DRAP1: variants seen among roughly 807,000 people sequenced by gnomAD.
DRAP1 encodes dr1-associated corepressor.
In DRAP1, 10 loss-of-function variants were observed where a neutral mutation model predicts 24.1. That is an observed-to-expected ratio of 0.41 (90% confidence interval 0.26 to 0.70). The LOEUF is 0.70. Ranked by LOEUF, DRAP1 falls within the 30% of genes least tolerant of loss-of-function variation. The probability of loss-of-function intolerance (pLI) is 0.29; values close to 1 mark genes in which losing one functional copy is unlikely to be tolerated. For synonymous variants in DRAP1, 122 were observed against 113.8 expected, an observed-to-expected ratio of 1.07 and a Z score of -0.46; for missense variants, 264 against 275.6, an observed-to-expected ratio of 0.96 and a Z score of 0.30.
At chr11:65,919,876 G>C (rs1221243041) in intron 2 of DRAP1, 24 bp downstream of exon 2, 1 of 1,613,200 alleles carries the variant, frequency 6.2e-7, no homozygotes, top group African/African-American at 1.3e-5. Context: ...GGCGGACCGG[G>C]TCGAGGGGCG....
At position 65,921,548 on chromosome 11, in the gene DRAP1, C is replaced by T. The variant is rs577888744; in HGVS notation, c.*113C>T. 42 of 544,128 alleles carry T rather than the reference C, an allele frequency of 7.7e-5. No individual in the cohort carries two copies. In the African/African-American group the frequency reaches 8.0e-4, roughly 10 times the overall value. The allele number at this position is 544,128 out of a possible 1,614,324, so 33.7% of individuals were successfully genotyped here. A position where few individuals can be genotyped will look rare whatever the true frequency, so the allele number is the denominator to read the frequency against. On this transcript the variant is annotated 3_prime_UTR_variant, in exon 7 of 7. Coordinates refer to ENST00000312515, the MANE Select transcript of DRAP1 (RefSeq NM_006442.4). The stretch of plus-strand genomic sequence containing the variant: ...ATTAAAAAAAAAAATAAAAGGGAAT[C>T]TCAGTGTCTGTTCCAGGCTCTGCGC...
Position 65,920,060 on chromosome 11 carries a change from G to C in DRAP1, c.209+19G>C, listed in dbSNP as rs1854528761. The C allele has an allele frequency of 3.7e-6, 6 of 1,610,692 alleles. No homozygotes were observed. The highest frequency in any genetic ancestry group is 4.2e-6 in the Non-Finnish European group (5 of 1,178,698). On this transcript the variant is annotated intron_variant, in intron 3 of 6. Coordinates refer to ENST00000312515, the MANE Select transcript of DRAP1 (RefSeq NM_006442.4). Reference sequence around the variant, plus strand: ...CCCACCTGTGAGCGGCGAGGAGCCGGGAGGGGCCGGCGGGTTTGGCGCGGG... The same window carrying C: ...CCCACCTGTGAGCGGCGAGGAGCCGCGAGGGGCCGGCGGGTTTGGCGCGGG...
chr11:65,921,295 T>C, intron 6 of DRAP1, 35 bp from the exon 7 acceptor site: 6 of 1,295,018 alleles, frequency 4.6e-6, no homozygotes, highest in Non-Finnish European at 6.7e-6. Flanking sequence ...ACGGTGGGGC[T>C]CAGGCCTGAC....
At position 65,919,460 on chromosome 11, in the gene DRAP1, GGGC is replaced by G. The variant is rs1426748786; in HGVS notation, c.-34_-32del. ...GCAGGCCCGGGAGCCGGGAGGCTGC[GGGC>G]GGCGGCGCTGGACCCGACGCGGCGA... On this transcript the variant is annotated 5_prime_UTR_variant, in exon 1 of 7. Transcript: ENST00000312515. 8 of 1,516,162 alleles carry G rather than the reference GGGC, an allele frequency of 5.3e-6. No homozygotes were observed. The highest frequency in any genetic ancestry group is 7.1e-6 in the Non-Finnish European group (8 of 1,133,370). 93.9% of individuals were successfully genotyped at this position (1,516,162 alleles called of 1,614,324 possible).
chr11:65,919,981 T>A lies in DRAP1; in HGVS notation c.149T>A (p.Leu50Ter). The A allele has an allele frequency of 6.2e-7, 1 of 1,613,770 alleles. No individual in the cohort carries two copies. The highest frequency in any genetic ancestry group is 1.1e-5 in the South Asian group (1 of 91,090). Reference protein sequence around the residue: ...RALELFLESLLKKACQVTQSR... With the variant: ...RALELFLESL ...CTCGAGCTCTTCCTAGAGTCGCTGT[T>A]GAAGAAGGCCTGCCAGGTGACCCAG... Residue 50 changes from leucine to a stop codon, truncating the protein, a stop_gained, in exon 3 of 7, where the codon TTG becomes TAG. Transcript: ENST00000312515. LOFTEE classifies it high-confidence loss of function.
intron 3 of DRAP1, 118 bp from the exon 4 acceptor site, chr11:65,920,225 C>A: frequency 6.6e-7 from 1 of 1,524,006 alleles, no homozygotes; most frequent in Non-Finnish European, 8.9e-7. Flanking sequence ...CAGGGCAGGC[C>A]CGGGAGCGGA....
rs1261461820 is a variant in DRAP1 at position 65,921,417 on chromosome 11, AG to A, written c.601del (p.Glu201LysfsTer17). ...CCTCAGCACCTGATGAAGAGGACGAAGAAGATTACGACTCCTAGCGCCTTCT... is the reference window on the plus strand; with the variant it reads ...CCTCAGCACCTGATGAAGAGGACGAAAAGATTACGACTCCTAGCGCCTTCT... The part of the protein sequence containing the change: ...GPSAPDEEDE[E>X]DYDS On this transcript the variant is annotated frameshift_variant, in exon 7 of 7. Coordinates refer to ENST00000312515, the MANE Select transcript of DRAP1 (RefSeq NM_006442.4). LOFTEE classifies it high-confidence loss of function. 2 of 1,608,142 alleles carry A rather than the reference AG, an allele frequency of 1.2e-6. No homozygotes were observed. The highest frequency in any genetic ancestry group is 1.7e-6 in the Non-Finnish European group (2 of 1,174,724).
rs1854527959 is a variant in DRAP1 at position 65,920,001 on chromosome 11, A to AC, written c.172dup (p.Gln58ProfsTer24). The AC allele has an allele frequency of 6.2e-7, 1 of 1,613,574 alleles. No individual in the cohort carries two copies. The highest frequency in any genetic ancestry group is 1.3e-5 in the African/African-American group (1 of 74,918). ...GCTGTTGAAGAAGGCCTGCCAGGTG[A>AC]CCCAGTCGCGGAACGCGAAGACCAT... On this transcript the variant is annotated frameshift_variant, in exon 3 of 7. Transcript: ENST00000312515. LOFTEE classifies it high-confidence loss of function.
At position 65,920,632 on chromosome 11, in the gene DRAP1, G is replaced by T; in HGVS notation, c.393G>T (p.Lys131Asn). ...NGGMGTKSKD[K>N]KLSGTDSEQE... ...GGATGGGAACGAAAAGCAAGGACAA[G>T]AAGCTGTCCGGGACAGACTCGGAGC... The change falls in exon 5 of 7, where the codon AAG becomes AAT. Residue 131 changes from lysine to asparagine, a missense_variant. By Grantham distance (94) the Lys-to-Asn change is moderately conservative. Around this residue, in one of 2 missense-constraint regions of DRAP1, gnomAD observed 243 missense variants for 233.6 expected, o/e 1.04. Coordinates refer to ENST00000312515, the MANE Select transcript of DRAP1 (RefSeq NM_006442.4). The T allele has an allele frequency of 6.5e-7, 1 of 1,526,746 alleles. No homozygotes were observed. The highest frequency in any genetic ancestry group is 1.3e-5 in the South Asian group (1 of 79,548). 94.6% of individuals were successfully genotyped at this position (1,526,746 alleles called of 1,614,324 possible).
Position 65,921,486 on chromosome 11 carries a change from T to C in DRAP1, c.*51T>C, listed in dbSNP as rs1344392799. ...CCCTTTTAGTTGGTTTTAGTTGCTC[T>C]GGGGGGAGGAGAGAAGGTAGAGCTG... On this transcript the variant is annotated 3_prime_UTR_variant, in exon 7 of 7. Transcript: ENST00000312515. 2.3e-6 allele frequency: 2 copies of C among 863,418 alleles called. No individual in the cohort carries two copies. The highest frequency in any genetic ancestry group is 3.8e-6 in the Non-Finnish European group (2 of 531,338). 53.5% of individuals were successfully genotyped at this position (863,418 alleles called of 1,614,324 possible).
Position 65,919,769 on chromosome 11 carries a change from C to G in DRAP1, c.43-11C>G, listed in dbSNP as rs373935228. On this transcript the variant is annotated splice_polypyrimidine_tract_variant and intron_variant, in intron 1 of 6. Coordinates refer to ENST00000312515, the MANE Select transcript of DRAP1 (RefSeq NM_006442.4). ...GGCGACGGGGTCTGAACTCTGCTCC[C>G]CCACCCGCAGGCGCGGATCAAGAAG... is the stretch of plus-strand genomic sequence containing the variant. 9 of 1,613,000 alleles carry G rather than the reference C, an allele frequency of 5.6e-6. No homozygotes were observed. In the African/African-American group the frequency reaches 1.2e-4, roughly 21 times the overall value.
chr11:65,921,245 TG>T, intron 6 of DRAP1, 84 bp from the exon 7 acceptor site: 2 of 827,484 alleles, frequency 2.4e-6, no homozygotes, highest in Non-Finnish European at 3.9e-6. Context: ...GAGGGTCAGA[TG>T]GGGGAGGGAG....
At chr11:65,920,245 G>A in intron 3 of DRAP1, 98 bp from the exon 4 acceptor site, 1 of 1,569,620 alleles carries the variant, frequency 6.4e-7, no homozygotes, top group African/African-American at 1.3e-5. Flanking sequence ...AGATCGGCCC[G>A]GGCTCCAGCC....
intron 3 of DRAP1, 23 bp downstream of exon 3, chr11:65,920,064 G>A: frequency 1.2e-6 from 2 of 1,609,460 alleles, no homozygotes; most frequent in East Asian, 2.2e-5. Flanking sequence ...GAGCCGGGAG[G>A]GGCCGGCGGG....
chr11:65,919,735 G>A (rs764080948), intron 1 of DRAP1, 45 bp from the exon 2 acceptor site: 71 of 1,611,268 alleles, frequency 4.4e-5, no homozygotes, highest in Non-Finnish European at 5.9e-5. Context: ...CACCCCCTTA[G>A]GGGACGGTGG....
At position 65,919,840 on chromosome 11, in the gene DRAP1, C is replaced by T; in HGVS notation, c.103C>T (p.Pro35Ser). The change falls in exon 2 of 7, where the codon CCT (proline) becomes TCT (serine). Residue 35 changes from proline (P) to serine (S), a missense_variant. By Grantham distance (74) the Pro-to-Ser change is moderately conservative. Around this residue, in one of 2 missense-constraint regions of DRAP1, gnomAD observed 243 missense variants for 233.6 expected, o/e 1.04. Coordinates refer to ENST00000312515, the MANE Select transcript of DRAP1 (RefSeq NM_006442.4). ...GATTGGGAAGGTGGCGGCGGCGGTGCCTGTCATCATCTGTATCCTGCCGGG... is the reference window on the plus strand; with the variant it reads ...GATTGGGAAGGTGGCGGCGGCGGTGTCTGTCATCATCTGTATCCTGCCGGG... The part of the protein sequence containing the change: ...EEIGKVAAAV[P>S]VIISRALELF... 1 of 1,612,926 alleles carries T rather than the reference C, an allele frequency of 6.2e-7. No individual in the cohort carries two copies.
intron 3 of DRAP1, 71 bp downstream of exon 3, chr11:65,920,112 C>A: frequency 6.4e-7 from 1 of 1,558,596 alleles, no homozygotes; most frequent in Non-Finnish European, 8.7e-7. Context: ...GAAGGCAGAG[C>A]CTGGGTGGCG....
Position 65,921,321 on chromosome 11 carries a change from G to C in DRAP1, c.513-9G>C. The C allele has an allele frequency of 6.4e-7, 1 of 1,569,632 alleles. No individual in the cohort carries two copies. Among genetic ancestry groups the C allele is most frequent in the Non-Finnish European group, 8.8e-7 (1 of 1,141,272 alleles). ...CAGGCCTGACTCTCTCCTGCCTTCT[G>C]CCCTGCAGCCCCCCGACACCCTTCC... is the stretch of plus-strand genomic sequence containing the variant. On this transcript the variant is annotated splice_polypyrimidine_tract_variant and intron_variant, in intron 6 of 6. Transcript: ENST00000312515.
At position 65,920,831 on chromosome 11, in the gene DRAP1, A is replaced by C. The variant is rs1411568141; in HGVS notation, c.424-53A>C. The C allele has an allele frequency of 6.4e-6, 10 of 1,551,788 alleles. No homozygotes were observed. The African/African-American group carries it at 1.2e-4, about 19-fold the overall frequency. ...GTCTACTGCTGTCCCTGCCACTCCC[A>C]GTGATGGGTTCGTGTCTTTTCTTGT... On this transcript the variant is annotated intron_variant, in intron 5 of 6. Coordinates refer to ENST00000312515, the MANE Select transcript of DRAP1 (RefSeq NM_006442.4).
Sources: allele counts gnomAD v4.1 joint callset, GRCh38; gene constraint gnomAD v4.1.1; regional missense constraint gnomAD v4.1.1; transcripts MANE v1.5; gene names NCBI Gene and HGNC (gene_info 2026-07-23, HGNC 2026-07-21).